Variants in UPP2 observed in about 807,000 individuals in gnomAD.
UPP2 encodes the protein uridine phosphorylase 2.
Under a neutral mutation model 26.7 loss-of-function variants are expected in UPP2, and 23 were observed. The observed-to-expected ratio is 0.86, with a 90% CI of 0.62 to 1.22. UPP2 has a LOEUF of 1.22. Ranked by LOEUF, UPP2 falls within the 50% of genes most tolerant of loss-of-function variation. The probability of loss-of-function intolerance (pLI) is 0.00; values close to 1 mark genes in which losing one functional copy is unlikely to be tolerated. For synonymous variants in UPP2, 127 were observed against 141.3 expected, an observed-to-expected ratio of 0.90 and a Z score of 0.72; for missense variants, 387 against 396.7, an observed-to-expected ratio of 0.98 and a Z score of 0.21.
chr2:158,003,251 G>A (rs1683437616), intron 2 of UPP2, among the ~76,000 whole-genome samples: 1 of 152,162 alleles, frequency 6.6e-6, no homozygotes, highest in Admixed American at 6.5e-5. Context: ...AGGTTGTAGG[G>A]GGTGAGAGGG....
chr2:158,010,223 C>A (rs532857539), intron 2 of UPP2, among the ~76,000 whole-genome samples: 1 of 152,026 alleles, frequency 6.6e-6, no homozygotes, highest in Non-Finnish European at 1.5e-5. Context: ...TTGATATAGG[C>A]GGAAAATATC....
At chr2:158,084,580 G>A (rs1226818233) in intron 3 of UPP2, among the ~76,000 whole-genome samples, 1 of 151,806 alleles carries the variant, frequency 6.6e-6, no homozygotes, top group East Asian at 1.9e-4. Context: ...AGCCAATATC[G>A]ACAAAGGTTT....
chr2:158,099,697 A>G (rs533353457), upstream of UPP2, among the ~76,000 whole-genome samples: 1 of 152,336 alleles, frequency 6.6e-6, no homozygotes, highest in East Asian at 1.9e-4. Context: ...CCAGTTGTAC[A>G]TCAAGACTGT....
intron 3 of UPP2, among the ~76,000 whole-genome samples, chr2:158,031,223 T>C (rs768346427): frequency 2.8e-4 from 42 of 152,152 alleles, no homozygotes; most frequent in Non-Finnish European, 5.0e-4. Context: ...TTGTAGACTT[T>C]AGGTTCATAG....
intron 2 of UPP2, among the ~76,000 whole-genome samples, chr2:157,998,853 T>A (rs1035721689): frequency 2.0e-5 from 3 of 152,118 alleles, no homozygotes; most frequent in African/African-American, 4.8e-5. Context: ...GTTTCTTGGA[T>A]CTATATGTTT....
rs562320187 is a variant in UPP2 at position 158,088,391 on chromosome 2, C to A, written c.148-13649C>A. On this transcript the variant is annotated intron_variant, in intron 3 of 9. Transcript: ENST00000605860. ...ACTGAAGCTTTTTCCCTTCATATAT[C>A]ATTTTTTAAATTTTATTAAGTTTGA... 4.3e-4 allele frequency among the ~76,000 whole-genome samples: 65 copies of A among 152,126 alleles called. 1 individual carries two copies. The East Asian group carries it at 0.011, about 25-fold the overall frequency.
At chr2:158,126,225 G>T (rs1193149076) in intron 6 of UPP2, among the ~76,000 whole-genome samples, 1 of 152,096 alleles carries the variant, frequency 6.6e-6, no homozygotes, top group Non-Finnish European at 1.5e-5. Context: ...TTCCCTCCTG[G>T]ATGCTTTCTT....
intron 2 of UPP2, among the ~76,000 whole-genome samples, chr2:158,113,005 T>A (rs1683352023): frequency 6.6e-6 from 1 of 152,320 alleles, no homozygotes; most frequent in South Asian, 2.1e-4. Flanking sequence ...GTTGGTGGTC[T>A]TCAGCCATAT....
chr2:158,089,856 A>G (rs1682879423), intron 3 of UPP2, among the ~76,000 whole-genome samples: 1 of 152,070 alleles, frequency 6.6e-6, no homozygotes, highest in Non-Finnish European at 1.5e-5. Context: ...TTTTTTGGGT[A>G]TATCCTGGGG....
intron 2 of UPP2, among the ~76,000 whole-genome samples, chr2:158,009,276 T>A (rs1444059835): frequency 6.6e-6 from 1 of 152,056 alleles, no homozygotes; most frequent in Non-Finnish European, 1.5e-5. Flanking sequence ...TTTTTCTGCT[T>A]TGTCCTTGAA....
chr2:158,093,271 T>TACACACACAC (rs57028617), intron 3 of UPP2, among the ~76,000 whole-genome samples: 3,697 of 137,446 alleles, frequency 0.027, 83 homozygotes, highest in East Asian at 0.12. Context: ...AAAAGAAACA[T>TACACACACAC]ACACACACAC....
chr2:158,083,305 C>A (rs1407007939), intron 3 of UPP2, among the ~76,000 whole-genome samples: 1 of 152,108 alleles, frequency 6.6e-6, no homozygotes, highest in South Asian at 2.1e-4. Context: ...TGGAACCAAC[C>A]TAAATGTCCA....
chr2:158,086,025 T>A (rs1298684178), intron 3 of UPP2, among the ~76,000 whole-genome samples: 1 of 152,106 alleles, frequency 6.6e-6, no homozygotes, highest in Non-Finnish European at 1.5e-5. Flanking sequence ...ATTGAATGAT[T>A]TGGGGAGGAT....
intron 3 of UPP2, among the ~76,000 whole-genome samples, chr2:158,018,793 C>G (rs1258056308): frequency 6.6e-6 from 1 of 152,220 alleles, no homozygotes; most frequent in African/African-American, 2.4e-5. Context: ...CTTTCCCACT[C>G]TTCTTGGATC....
At chr2:158,111,511 T>G (rs1024679085) in intron 2 of UPP2, among the ~76,000 whole-genome samples, 6 of 152,188 alleles carry the variant, frequency 3.9e-5, no homozygotes, top group Non-Finnish European at 8.8e-5. Context: ...CATATGTTTG[T>G]TTATTCATTC....
At chr2:158,017,818 G>A (rs886240514) in intron 3 of UPP2, among the ~76,000 whole-genome samples, 2 of 152,096 alleles carry the variant, frequency 1.3e-5, no homozygotes, top group African/African-American at 2.4e-5. Context: ...GCAATTCTTC[G>A]ATTATATCAA....
upstream of UPP2, among the ~76,000 whole-genome samples, chr2:158,100,547 G>A (rs1482732364): frequency 6.6e-6 from 1 of 152,230 alleles, no homozygotes; most frequent in Non-Finnish European, 1.5e-5. Context: ...TAGTGAGTGA[G>A]TATGTTGAGT....
chr2:158,060,537 GT>G (rs1682336380), intron 3 of UPP2, among the ~76,000 whole-genome samples: 1 of 152,152 alleles, frequency 6.6e-6, no homozygotes, highest in Non-Finnish European at 1.5e-5. Context: ...CACATCTTTT[GT>G]TTTGTCCATG....
At chr2:158,003,477 G>T (rs760616933) in intron 2 of UPP2, among the ~76,000 whole-genome samples, 6 of 152,262 alleles carry the variant, frequency 3.9e-5, no homozygotes, top group Middle Eastern at 6.8e-3. Context: ...GGAGGCCAAG[G>T]TGGGTGGATC....
Sources: gnomAD v4.1 joint callset for allele counts (sites outside exome capture counted in the v4.1 genomes callset) on GRCh38, gnomAD v4.1.1 for gene constraint, MANE v1.5 for transcripts, NCBI Gene and HGNC (gene_info 2026-07-23, HGNC 2026-07-21) for gene names.